TF: variants seen among roughly 807,000 people sequenced by gnomAD.
TF encodes the protein serotransferrin.
Under a neutral mutation model 82.4 loss-of-function variants are expected in TF, and 55 were observed. The observed-to-expected ratio is 0.67, with a 90% CI of 0.54 to 0.84. The LOEUF (loss-of-function observed/expected upper bound fraction) is 0.84, where lower values mean the gene tolerates loss of function less well. Among genes scored for constraint, TF ranks in the 40% least tolerant of loss-of-function variants. The pLI, the probability that TF is intolerant of heterozygous loss-of-function variation, is 0.00. For missense variants in TF, 737 were observed against 868.4 expected (o/e 0.85, Z 1.90); for synonymous variants, 332 against 332.6 (o/e 1.00, Z 0.02).
At position 133,759,184 on chromosome 3, in the gene TF, C is replaced by A; in HGVS notation, c.1058C>A (p.Ala353Asp). 1 of 1,614,072 alleles carries A rather than the reference C, an allele frequency of 6.2e-7. No homozygotes were observed. The highest frequency in any genetic ancestry group is 8.5e-7 in the Non-Finnish European group (1 of 1,180,022). Reference protein sequence around the residue: ...RNLREGTCPEAPTDECKPVKW... With the variant: ...RNLREGTCPEDPTDECKPVKW... ...TTTTTTTATGCCATAGGCCCAGAAGCCCCAACAGATGAATGCAAGCCTGTG... is the reference window on the plus strand; with the variant it reads ...TTTTTTTATGCCATAGGCCCAGAAGACCCAACAGATGAATGCAAGCCTGTG... Residue 353 changes from alanine (A) to aspartate (D), a missense_variant, in exon 9 of 17, where the codon GCC becomes GAC. Transcript: ENST00000402696.
the TF span, among the ~76,000 whole-genome samples, chr3:133,728,422 A>T: frequency 6.6e-6 from 1 of 151,832 alleles, no homozygotes; most frequent in African/African-American, 2.4e-5. Context: ...CATCACTGAT[A>T]CCCTTTCTTC....
Position 133,794,239 on chromosome 3 carries a change from A to G in TF, c.*15619A>G, listed in dbSNP as rs1214609921. The G allele has an allele frequency of 5.9e-5, 9 of 152,236 alleles. No individual in the cohort carries two copies. The highest frequency in any genetic ancestry group is 2.2e-4 in the African/African-American group (9 of 41,466). 9.4% of individuals were successfully genotyped at this position (152,236 alleles called of 1,614,324 possible). On this transcript the variant is annotated 3_prime_UTR_variant, in exon 17 of 17. Transcript: ENST00000402696. ...CATTACATGACTCGTCACGGAAAAGATAAAATGATCCAAATTGAATATATT... is the reference window on the plus strand; with the variant it reads ...CATTACATGACTCGTCACGGAAAAGGTAAAATGATCCAAATTGAATATATT...
the TF span, among the ~76,000 whole-genome samples, chr3:133,716,161 C>T: frequency 6.6e-6 from 1 of 152,154 alleles, no homozygotes; most frequent in African/African-American, 2.4e-5. Context: ...ACTTGGAGTT[C>T]TTCTCTCTGC....
At chr3:133,757,043 G>C in intron 7 of TF, 34 bp downstream of exon 7, 1 of 1,613,930 alleles carries the variant, frequency 6.2e-7, no homozygotes, top group African/African-American at 1.3e-5. Context: ...CTCCAGCTTA[G>C]TGCTCCCTGC....
chr3:133,769,413 A>C (rs139590684), intron 13 of TF, among the ~76,000 whole-genome samples: 2 of 152,342 alleles, frequency 1.3e-5, no homozygotes, highest in East Asian at 3.9e-4. Context: ...ATGTTTGAGA[A>C]TTATAGGTCA....
At chr3:133,704,720 T>C in the TF span, among the ~76,000 whole-genome samples, 1 of 152,154 alleles carries the variant, frequency 6.6e-6, no homozygotes, top group South Asian at 2.1e-4. Context: ...CCCATTGTCT[T>C]CAAGAAAGAA....
At chr3:133,704,003 G>A in the TF span, among the ~76,000 whole-genome samples, 1 of 152,186 alleles carries the variant, frequency 6.6e-6, no homozygotes, top group African/African-American at 2.4e-5. Context: ...AGGACACAGA[G>A]ATGTCCAGGG....
intron 10 of TF, 39 bp from the exon 11 acceptor site, chr3:133,764,836 C>T (rs1559874656): frequency 6.2e-7 from 1 of 1,600,876 alleles, no homozygotes. Context: ...ATCTATAAAT[C>T]AGGGTTTAAT....
chr3:133,763,550 A>G (rs1275954601), intron 9 of TF, among the ~76,000 whole-genome samples: 1 of 152,206 alleles, frequency 6.6e-6, no homozygotes, highest in Non-Finnish European at 1.5e-5. Context: ...TTTTGTCCAA[A>G]TAGTTGCCCA....
chr3:133,678,409 G>C, the TF span, among the ~76,000 whole-genome samples: 6 of 152,148 alleles, frequency 3.9e-5, no homozygotes, highest in Non-Finnish European at 1.5e-5. Context: ...TGGTATTTCT[G>C]GTTCTAGAAC....
intron 8 of TF, 80 bp from the exon 9 acceptor site, chr3:133,759,095 T>C (rs902556122): frequency 7.6e-6 from 12 of 1,572,668 alleles, no homozygotes; most frequent in African/African-American, 1.4e-5. Flanking sequence ...AGCATTTGCA[T>C]GAAGACAGTG....
intron 13 of TF, among the ~76,000 whole-genome samples, chr3:133,768,729 G>A (rs1457857161): frequency 6.8e-6 from 1 of 147,776 alleles, no homozygotes; most frequent in East Asian, 2.0e-4. Context: ...AACTACAATT[G>A]TACTTTATGG....
rs769378163 is a variant in TF at position 133,778,618 on chromosome 3, T to TA, written c.*2dup. 6.2e-7 allele frequency: 1 copy of TA among 1,613,470 alleles called. No homozygotes were observed. Among genetic ancestry groups the TA allele is most frequent in the Non-Finnish European group, 8.5e-7 (1 of 1,179,584 alleles). ...GGAAGCCTGCACTTTCCGTAGACCTTAAAATCTCAGAGGTAGGGCTGCCAC... is the reference window on the plus strand; with the variant it reads ...GGAAGCCTGCACTTTCCGTAGACCTTAAAAATCTCAGAGGTAGGGCTGCCAC... ...LLEACTFRRP[*] is the part of the protein sequence containing the mutation. The change falls in exon 17 of 17, where the codon TAA becomes TAAA. Residue 699 remains the stop codon, a frameshift_variant and stop_retained_variant. Coordinates refer to ENST00000402696, the MANE Select transcript of TF (RefSeq NM_001063.4). LOFTEE classifies it high-confidence loss of function.
intron 14 of TF, 146 bp downstream of exon 14, chr3:133,770,718 G>C (rs768854259): frequency 2.0e-5 from 20 of 993,368 alleles, no homozygotes; most frequent in Non-Finnish European, 2.7e-5. Context: ...TCAGTGAAGA[G>C]AGACATGTTC....
chr3:133,777,519 C>T (rs41296610), intron 16 of TF: 10 of 400,252 alleles, frequency 2.5e-5, no homozygotes, highest in African/African-American at 1.6e-4. Context: ...TGTGTACATG[C>T]CATTGCTCTG....
At chr3:133,778,424 C>T in intron 16 of TF, 162 bp from the exon 17 acceptor site, 1 of 668,166 alleles carries the variant, frequency 1.5e-6, no homozygotes, top group East Asian at 3.4e-5. Flanking sequence ...AGGAGCTGTG[C>T]AGGCAAGTAG....
At chr3:133,692,970 C>G in the TF span, 1 of 152,682 alleles carries the variant, frequency 6.5e-6, no homozygotes, top group Non-Finnish European at 1.5e-5. Context: ...CCAGGCAGGG[C>G]TCCTGCACTG....
intron 1 of TF, chr3:133,747,339 T>C (rs1187884116): frequency 6.6e-6 from 1 of 152,352 alleles, no homozygotes; most frequent in Non-Finnish European, 1.5e-5. Context: ...AGGCAGGGCT[T>C]TGTGGAGGGG....
At position 133,759,734 on chromosome 3, in the gene TF, T is replaced by C. The variant is rs8177243; in HGVS notation, c.1203+405T>C. ...AGCCTGGCATGGTGGCATGCACCTG[T>C]AGTCCCAGCTACTTCGAAAGCTGAG... On this transcript the variant is annotated intron_variant, in intron 9 of 16. Coordinates refer to ENST00000402696, the MANE Select transcript of TF (RefSeq NM_001063.4). 5.1e-3 allele frequency among the ~76,000 whole-genome samples: 781 copies of C among 152,300 alleles called. 5 individuals carry two copies. The highest frequency in any genetic ancestry group is 0.018 in the African/African-American group (749 of 41,556).
Sources: gnomAD v4.1 joint callset for allele counts (sites outside exome capture counted in the v4.1 genomes callset) on GRCh38, gnomAD v4.1.1 for gene constraint, MANE v1.5 for transcripts, NCBI Gene and HGNC (gene_info 2026-07-23, HGNC 2026-07-21) for gene names.